BRINP3: variants seen among roughly 807,000 people sequenced by gnomAD.
BRINP3 encodes the protein BMP/retinoic acid inducible neural specific 3.
A neutral mutation model predicts 71.0 loss-of-function variants in BRINP3; 19 were observed. The ratio of observed to expected loss-of-function variants is 0.27; its 90% CI spans 0.19 to 0.39. The LOEUF is 0.39. Among genes scored for constraint, BRINP3 ranks in the 10% least tolerant of loss-of-function variants. BRINP3 has a pLI of 1.00. For missense variants in BRINP3, 959 were observed against 940.8 expected, an observed-to-expected ratio of 1.02 and a Z score of -0.25; for synonymous variants, 380 against 337.7, an observed-to-expected ratio of 1.13 and a Z score of -1.37.
chr1:190,145,618 T>C lies in BRINP3; in HGVS notation c.1184+15050A>G, dbSNP rs115332931. 4.7e-3 allele frequency among the ~76,000 whole-genome samples: 721 copies of C among 152,258 alleles called. 4 individuals are homozygous for C. The highest frequency in any genetic ancestry group is 0.014 in the Middle Eastern group (4 of 294). ...ACCACTGTGGAAACCAGTATGGAGA[T>C]TCCTTAAAGAACAAAAAGTAGACCT... On this transcript the variant is annotated intron_variant, in intron 7 of 7. Transcript: ENST00000367462.
At chr1:190,176,196 T>C (rs957841326) in intron 6 of BRINP3, among the ~76,000 whole-genome samples, 13 of 152,232 alleles carry the variant, frequency 8.5e-5, no homozygotes, top group African/African-American at 2.9e-4. Context: ...TTGTTGCACA[T>C]AAAGAACATA....
intron 2 of BRINP3, among the ~76,000 whole-genome samples, chr1:190,339,178 A>G (rs146365342): frequency 3.2e-4 from 48 of 152,090 alleles, no homozygotes; most frequent in African/African-American, 1.1e-3. Context: ...AAGCCTCACA[A>G]AAATAGTTAA....
intron 2 of BRINP3, among the ~76,000 whole-genome samples, chr1:190,401,597 C>G (rs1463416197): frequency 2.6e-5 from 4 of 152,110 alleles, no homozygotes; most frequent in Non-Finnish European, 5.9e-5. Flanking sequence ...AATCGGAAAT[C>G]TGAGTAATGC....
chr1:190,251,305 T>C (rs912343801), intron 4 of BRINP3, among the ~76,000 whole-genome samples: 7 of 151,972 alleles, frequency 4.6e-5, no homozygotes, highest in Admixed American at 2.0e-4. Context: ...ATGTGCCAGG[T>C]ACTGTTCTAA....
intron 2 of BRINP3, among the ~76,000 whole-genome samples, chr1:190,454,029 T>G (rs1675825373): frequency 6.6e-6 from 1 of 152,216 alleles, no homozygotes; most frequent in Non-Finnish European, 1.5e-5. Flanking sequence ...CAGGCAACCT[T>G]TGTTGAATTT....
At chr1:190,246,311 C>T (rs1391849683) in intron 4 of BRINP3, among the ~76,000 whole-genome samples, 1 of 151,948 alleles carries the variant, frequency 6.6e-6, no homozygotes, top group African/African-American at 2.4e-5. Flanking sequence ...TTTGTACCTT[C>T]ATGGTACCTC....
intron 7 of BRINP3, among the ~76,000 whole-genome samples, chr1:190,145,720 A>G (rs1317041892): frequency 5.3e-5 from 8 of 152,192 alleles, no homozygotes; most frequent in Non-Finnish European, 1.2e-4. Context: ...AGACACATGC[A>G]TACACATTTT....
chr1:190,410,070 T>G (rs1319556680), intron 2 of BRINP3, among the ~76,000 whole-genome samples: 3 of 152,154 alleles, frequency 2.0e-5, no homozygotes, highest in African/African-American at 7.2e-5. Flanking sequence ...CTTTCTTTAT[T>G]TATCCTTTGC....
chr1:190,358,187 G>T (rs1377199811), intron 2 of BRINP3, among the ~76,000 whole-genome samples: 1 of 152,106 alleles, frequency 6.6e-6, no homozygotes, highest in Non-Finnish European at 1.5e-5. Context: ...AAGAACTTCT[G>T]CACAGCAAAA....
At chr1:190,270,043 G>C (rs949437285) in intron 3 of BRINP3, among the ~76,000 whole-genome samples, 1 of 151,938 alleles carries the variant, frequency 6.6e-6, no homozygotes, top group East Asian at 1.9e-4. Context: ...AGGCAGCAAA[G>C]ATTATTTCTA....
intron 7 of BRINP3, among the ~76,000 whole-genome samples, chr1:190,106,217 C>T (rs1344233415): frequency 6.6e-6 from 1 of 151,654 alleles, no homozygotes; most frequent in African/African-American, 2.4e-5. Flanking sequence ...GTTATCAAAC[C>T]AGCTACATAA....
At position 190,320,964 on chromosome 1, in the gene BRINP3, T is replaced by C. The variant is rs190359483; in HGVS notation, c.237-39214A>G. Among the ~76,000 whole-genome samples the C allele has an allele frequency of 1.6e-3, 237 of 151,162 alleles. 2 individuals are homozygous for C. The highest frequency in any genetic ancestry group is 1.4e-3 in the African/African-American group (56 of 41,012). ...TATATGTATATATGTTATATATATATACACACACACACACGTATGTATATG... is the reference window on the plus strand; with the variant it reads ...TATATGTATATATGTTATATATATACACACACACACACACGTATGTATATG... On this transcript the variant is annotated intron_variant, in intron 2 of 7. Transcript: ENST00000367462.
intron 2 of BRINP3, among the ~76,000 whole-genome samples, chr1:190,397,873 T>C (rs1407849006): frequency 6.6e-6 from 1 of 152,006 alleles, no homozygotes; most frequent in Non-Finnish European, 1.5e-5. Flanking sequence ...TTTTTCTGAG[T>C]AATTATTTTA....
intron 2 of BRINP3, among the ~76,000 whole-genome samples, chr1:190,376,084 A>G (rs115713662): frequency 7.1e-4 from 108 of 152,146 alleles, no homozygotes; most frequent in African/African-American, 2.6e-3. Flanking sequence ...ACAGTTGCCA[A>G]GACCACAGAA....
intron 2 of BRINP3, among the ~76,000 whole-genome samples, chr1:190,331,041 T>C (rs1266026838): frequency 6.6e-6 from 1 of 151,854 alleles, no homozygotes; most frequent in Non-Finnish European, 1.5e-5. Context: ...AACTTCAGCA[T>C]CATGCAACAG....
intron 4 of BRINP3, among the ~76,000 whole-genome samples, chr1:190,257,579 C>CT (rs1182129339): frequency 6.6e-6 from 1 of 152,162 alleles, no homozygotes; most frequent in Non-Finnish European, 1.5e-5. Flanking sequence ...TAATTTACAG[C>CT]TTTTCTGCTC....
At chr1:190,265,183 A>C in intron 3 of BRINP3, 128 bp from the exon 4 acceptor site, 2 of 790,938 alleles carry the variant, frequency 2.5e-6, no homozygotes, top group South Asian at 2.1e-5. Flanking sequence ...CAAAAGGGCA[A>C]GGGGTTTTAT....
At chr1:190,099,862 CA>C (rs1350390611) in intron 7 of BRINP3, among the ~76,000 whole-genome samples, 3 of 152,178 alleles carry the variant, frequency 2.0e-5, no homozygotes, top group African/African-American at 7.2e-5. Context: ...GAGTCATTAA[CA>C]TTTTTTTTCT....
At chr1:190,320,580 T>G (rs1666172995) in intron 2 of BRINP3, among the ~76,000 whole-genome samples, 2 of 152,004 alleles carry the variant, frequency 1.3e-5, no homozygotes, top group Admixed American at 6.6e-5. Context: ...GGGTGGTGGG[T>G]GGCCAGAGAC....
Sources: allele counts gnomAD v4.1 joint callset (sites outside exome capture counted in the v4.1 genomes callset), GRCh38; gene constraint gnomAD v4.1.1; transcripts MANE v1.5; gene names NCBI Gene and HGNC (gene_info 2026-07-23, HGNC 2026-07-21).